CTNNA3: variants seen among roughly 807,000 people sequenced by gnomAD.
The protein encoded by CTNNA3 is catenin alpha-3.
A neutral mutation model predicts 95.7 loss-of-function variants in CTNNA3; 76 were observed. The observed-to-expected ratio is 0.79, with a 90% confidence interval of 0.66 to 0.96. The LOEUF is 0.96. Among genes scored for constraint, CTNNA3 ranks in the 40% least tolerant of loss-of-function variants. CTNNA3 has a pLI of 0.00. For synonymous variants in CTNNA3, 431 were observed against 374.4 expected (o/e 1.15, Z -1.74); for missense variants, 1,191 against 1,089.8 (o/e 1.09, Z -1.31).
intron 5 of CTNNA3, among the ~76,000 whole-genome samples, chr10:67,255,138 A>G (rs1265798598): frequency 6.6e-6 from 1 of 152,096 alleles, no homozygotes; most frequent in Non-Finnish European, 1.5e-5. Context: ...TCTACTAAAA[A>G]TACAAAATTA....
chr10:66,860,877 T>C lies in CTNNA3; in HGVS notation c.1048-85353A>G, dbSNP rs117695722. Among the ~76,000 whole-genome samples the C allele has an allele frequency of 6.4e-4, 98 of 152,302 alleles. 2 individuals carry two copies. The East Asian group carries it at 0.017, about 27-fold the overall frequency. On this transcript the variant is annotated intron_variant, in intron 7 of 17. Transcript: ENST00000433211. ...ACATTGTAAACCCTATCTGTTGCTT[T>C]CACAGAAACCATTCAAGCTGGATAA...
chr10:66,551,948 G>T (rs1003376471), intron 10 of CTNNA3, among the ~76,000 whole-genome samples: 1 of 145,980 alleles, frequency 6.9e-6, no homozygotes, highest in East Asian at 2.2e-4. Flanking sequence ...TGTCGCCCAG[G>T]CTGGAGTGCA....
At chr10:67,560,562 G>A (rs1460158588) in intron 3 of CTNNA3, among the ~76,000 whole-genome samples, 1 of 152,156 alleles carries the variant, frequency 6.6e-6, no homozygotes, top group Non-Finnish European at 1.5e-5. Context: ...ATCGAGGCTA[G>A]GAAGAAACTG....
At chr10:66,804,927 T>G (rs1841581428) in intron 7 of CTNNA3, among the ~76,000 whole-genome samples, 1 of 152,098 alleles carries the variant, frequency 6.6e-6, no homozygotes, top group Non-Finnish European at 1.5e-5. Flanking sequence ...CCCCAATTGA[T>G]AAGAGTAGTT....
At chr10:67,076,835 T>C (rs1856773026) in intron 7 of CTNNA3, among the ~76,000 whole-genome samples, 5 of 152,156 alleles carry the variant, frequency 3.3e-5, no homozygotes, top group Admixed American at 3.3e-4. Flanking sequence ...TCAATTGACA[T>C]ATCCTCTGTT....
intron 6 of CTNNA3, among the ~76,000 whole-genome samples, chr10:67,183,992 G>A (rs189035952): frequency 1.3e-3 from 203 of 152,130 alleles, no homozygotes; most frequent in African/African-American, 4.5e-3. Context: ...AGCCAAATCG[G>A]GACTGTAACA....
At chr10:66,660,593 A>C (rs1215159830) in intron 9 of CTNNA3, among the ~76,000 whole-genome samples, 1 of 152,180 alleles carries the variant, frequency 6.6e-6, no homozygotes, top group Non-Finnish European at 1.5e-5. Context: ...ATGCATACAA[A>C]ATTTATCATA....
intron 13 of CTNNA3, among the ~76,000 whole-genome samples, chr10:66,141,832 G>T (rs180938900): frequency 1.3e-5 from 2 of 152,240 alleles, no homozygotes; most frequent in East Asian, 3.9e-4. Flanking sequence ...TTCAAGCATT[G>T]CCAACAAATT....
At chr10:67,629,579 A>T (rs1839071411) in intron 2 of CTNNA3, among the ~76,000 whole-genome samples, 1 of 152,196 alleles carries the variant, frequency 6.6e-6, no homozygotes. Flanking sequence ...GGTCAATTAC[A>T]GGAACTCTGG....
intron 7 of CTNNA3, among the ~76,000 whole-genome samples, chr10:66,843,628 T>G (rs1039898206): frequency 6.6e-6 from 1 of 151,912 alleles, no homozygotes; most frequent in African/African-American, 2.4e-5. Context: ...GAAAGCATCT[T>G]GATGAGGCAG....
intron 7 of CTNNA3, among the ~76,000 whole-genome samples, chr10:67,049,059 T>C (rs1854930386): frequency 6.6e-6 from 1 of 151,112 alleles, no homozygotes; most frequent in Non-Finnish European, 1.5e-5. Flanking sequence ...TCTTCTTATC[T>C]TAAAAACACC....
chr10:66,928,409 C>T (rs1847194189), intron 7 of CTNNA3: 1 of 1,613,768 alleles, frequency 6.2e-7, no homozygotes, highest in Non-Finnish European at 8.5e-7. Flanking sequence ...CTGAATGGGA[C>T]GGGACCCTGC....
intron 13 of CTNNA3, among the ~76,000 whole-genome samples, chr10:66,274,911 ATGT>A (rs1173456315): frequency 2.6e-5 from 4 of 152,046 alleles, no homozygotes; most frequent in African/African-American, 7.2e-5. Flanking sequence ...AATTTTTTTA[ATGT>A]TGTATTATAA....
chr10:66,508,635 G>A (rs1423975345), intron 11 of CTNNA3, among the ~76,000 whole-genome samples: 4 of 152,050 alleles, frequency 2.6e-5, no homozygotes, highest in African/African-American at 9.7e-5. Flanking sequence ...TGAGTGAGAA[G>A]ATATGGTGTT....
At chr10:67,359,087 C>A (rs148030517) in intron 5 of CTNNA3, among the ~76,000 whole-genome samples, 46 of 151,772 alleles carry the variant, frequency 3.0e-4, no homozygotes, top group African/African-American at 1.1e-3. Context: ...CCTGTGAAAC[C>A]CAATGCAGCA....
At chr10:66,807,948 C>A (rs1841720815) in intron 7 of CTNNA3, among the ~76,000 whole-genome samples, 1 of 152,032 alleles carries the variant, frequency 6.6e-6, no homozygotes, top group Admixed American at 6.6e-5. Flanking sequence ...TGTGATCTCA[C>A]CACTCTTGCT....
In CTNNA3 at chr10:65,924,679, G is replaced by T. The variant is rs1171575030; in HGVS notation, c.2401-4062C>A. ...CCTAACACTGAGCCAACAGGTGACT[G>T]TCTACCATTTTTAGAGAATCCCCTT... On this transcript the variant is annotated intron_variant, in intron 17 of 17. Transcript: ENST00000433211. 2.0e-5 allele frequency among the ~76,000 whole-genome samples: 3 copies of T among 152,256 alleles called. 1 individual carries two copies. In the South Asian group the frequency reaches 6.2e-4, roughly 32 times the overall value.
intron 7 of CTNNA3, among the ~76,000 whole-genome samples, chr10:66,796,043 A>G (rs907214820): frequency 1.3e-5 from 2 of 152,124 alleles, no homozygotes; most frequent in Non-Finnish European, 2.9e-5. Flanking sequence ...TCATATCAGC[A>G]ATAAGGTTGT....
intron 7 of CTNNA3, among the ~76,000 whole-genome samples, chr10:66,909,566 A>G (rs1846136491): frequency 6.6e-6 from 1 of 152,074 alleles, no homozygotes; most frequent in African/African-American, 2.4e-5. Context: ...CACAAATGAA[A>G]TTTCCTTCAG....
Sources: allele counts gnomAD v4.1 joint callset (sites outside exome capture counted in the v4.1 genomes callset), GRCh38; gene constraint gnomAD v4.1.1; transcripts MANE v1.5; gene names NCBI Gene and HGNC (gene_info 2026-07-23, HGNC 2026-07-21).